RAPGEF2: variants seen among roughly 807,000 people sequenced by gnomAD.
The protein encoded by RAPGEF2 is PDZ domain containing guanine nucleotide exchange factor (GEF) 1.
Under a neutral mutation model 186.7 loss-of-function variants are expected in RAPGEF2, and 54 were observed. The ratio of observed to expected loss-of-function variants is 0.29; its 90% CI spans 0.23 to 0.36. The LOEUF (loss-of-function observed/expected upper bound fraction) is 0.36. Ranked by LOEUF, RAPGEF2 falls within the 10% of genes least tolerant of loss-of-function variation. The pLI is 1.00. For missense variants in RAPGEF2, 1,532 were observed against 2,045.0 expected (o/e 0.75, Z 4.84); for synonymous variants, 712 against 705.9 (o/e 1.01, Z -0.14).
chr4:159,232,401 G>A (rs114161704), intron 4 of RAPGEF2, among the ~76,000 whole-genome samples: 8,145 of 152,204 alleles, frequency 0.054, 738 homozygotes, highest in African/African-American at 0.18. Flanking sequence ...TTTGTGGCTG[G>A]TTTGTTGTCT....
At chr4:159,179,527 T>C (rs914474307) in intron 1 of RAPGEF2, among the ~76,000 whole-genome samples, 2 of 152,226 alleles carry the variant, frequency 1.3e-5, no homozygotes, top group Admixed American at 6.5e-5. Context: ...TTTTCACTAA[T>C]GGTTGCACAT....
chr4:159,325,313 T>C (rs1765774761), intron 11 of RAPGEF2, among the ~76,000 whole-genome samples: 1 of 152,170 alleles, frequency 6.6e-6, no homozygotes, highest in Non-Finnish European at 1.5e-5. Context: ...GAAAACAAAA[T>C]GGTTAATTCT....
chr4:159,302,865 A>C (rs182012062), intron 7 of RAPGEF2, among the ~76,000 whole-genome samples: 1 of 151,868 alleles, frequency 6.6e-6, no homozygotes, highest in East Asian at 1.9e-4. Context: ...TATGTATTTT[A>C]CAACATCTTC....
chr4:159,331,355 A>G, intron 13 of RAPGEF2, 76 bp from the exon 14 acceptor site: 1 of 788,844 alleles, frequency 1.3e-6, no homozygotes, highest in South Asian at 1.9e-5. Flanking sequence ...TGAAAGTTGG[A>G]TATCTTTTCT....
intron 8 of RAPGEF2, among the ~76,000 whole-genome samples, chr4:159,309,287 C>T (rs533082263): frequency 2.0e-5 from 3 of 152,092 alleles, no homozygotes; most frequent in African/African-American, 7.2e-5. Context: ...TCCTTTCCTG[C>T]CTAATCTTTT....
chr4:159,290,502 T>C (rs2110952708), intron 7 of RAPGEF2, among the ~76,000 whole-genome samples: 1 of 152,292 alleles, frequency 6.6e-6, no homozygotes, highest in East Asian at 1.9e-4. Flanking sequence ...AGAAAGTAGC[T>C]GAAGTTGAGG....
chr4:159,241,417 G>A (rs1753976140), intron 6 of RAPGEF2, 49 bp downstream of exon 6: 1 of 1,207,578 alleles, frequency 8.3e-7, no homozygotes, highest in African/African-American at 1.6e-5. Context: ...TTTTTTGTTG[G>A]GGTTTTGTGA....
intron 1 of RAPGEF2, among the ~76,000 whole-genome samples, chr4:159,111,339 G>T (rs1243040760): frequency 1.3e-5 from 2 of 152,212 alleles, no homozygotes; most frequent in African/African-American, 2.4e-5. Context: ...TCTTCCGCTG[G>T]CTGTTGTTTC....
intron 2 of RAPGEF2, among the ~76,000 whole-genome samples, chr4:159,191,066 C>G (rs1012946913): frequency 6.6e-6 from 1 of 152,084 alleles, no homozygotes; most frequent in Admixed American, 6.5e-5. Flanking sequence ...CTTTGGAAGT[C>G]ATCAGTGTAT....
Position 159,345,032 on chromosome 4 carries a change from G to T in RAPGEF2, c.3279-74G>T, listed in dbSNP as rs1730086260. On this transcript the variant is annotated intron_variant, in intron 23 of 29. Coordinates refer to ENST00000691494, the MANE Select transcript of RAPGEF2 (RefSeq NM_001394067.2). ...TTTTGAACATAGACTATTAATATCA[G>T]TCTTGGCACATTTTAAATAGATAAA... 3.2e-6 allele frequency: 4 copies of T among 1,264,090 alleles called. No homozygotes were observed. In the Admixed American group the frequency reaches 7.0e-5, roughly 22 times the overall value. 78.3% of individuals were successfully genotyped at this position (1,264,090 alleles called of 1,614,324 possible). A position where few individuals can be genotyped will look rare whatever the true frequency, so the allele number is the denominator to read the frequency against.
At chr4:159,140,908 T>C (rs1742250752) in intron 1 of RAPGEF2, among the ~76,000 whole-genome samples, 1 of 151,878 alleles carries the variant, frequency 6.6e-6, no homozygotes, top group African/African-American at 2.4e-5. Flanking sequence ...CTCAGCTCAC[T>C]GCAACCTCTG....
intron 3 of RAPGEF2, among the ~76,000 whole-genome samples, chr4:159,208,202 G>A (rs757185911): frequency 1.8e-4 from 27 of 152,182 alleles, no homozygotes; most frequent in Non-Finnish European, 3.2e-4. Flanking sequence ...AAAATGATTA[G>A]GTGATAGTGA....
intron 1 of RAPGEF2, among the ~76,000 whole-genome samples, chr4:159,132,073 T>C (rs998732140): frequency 6.6e-6 from 1 of 152,234 alleles, no homozygotes; most frequent in East Asian, 1.9e-4. Flanking sequence ...ATTAGGATAA[T>C]GTCTTAGCTT....
chr4:159,121,799 G>A (rs1739714089), intron 1 of RAPGEF2, among the ~76,000 whole-genome samples: 1 of 151,790 alleles, frequency 6.6e-6, no homozygotes, highest in African/African-American at 2.4e-5. Flanking sequence ...GGGAGGCCGA[G>A]GCGGGCGGAT....
intron 1 of RAPGEF2, among the ~76,000 whole-genome samples, chr4:159,156,323 A>G (rs1249466858): frequency 1.3e-5 from 2 of 152,314 alleles, no homozygotes; most frequent in African/African-American, 4.8e-5. Flanking sequence ...TAACTTCTGA[A>G]TATATTGTTA....
At chr4:159,281,404 C>T (rs1759685215) in intron 7 of RAPGEF2, among the ~76,000 whole-genome samples, 2 of 149,200 alleles carry the variant, frequency 1.3e-5, no homozygotes, top group African/African-American at 2.6e-5. Context: ...CATGGTGGCT[C>T]ATGCCTGTAA....
chr4:159,187,990 TTAAAG>T (rs1747722696), intron 2 of RAPGEF2, among the ~76,000 whole-genome samples: 1 of 152,186 alleles, frequency 6.6e-6, no homozygotes, highest in African/African-American at 2.4e-5. Flanking sequence ...GTCATTTAAA[TTAAAG>T]TAGATTGTAG....
chr4:159,304,260 AAT>A (rs1470149720), intron 7 of RAPGEF2, 80 bp from the exon 8 acceptor site: 2 of 1,319,366 alleles, frequency 1.5e-6, no homozygotes, highest in African/African-American at 3.0e-5. Context: ...TATAGAATAA[AAT>A]ATGATATTTT....
rs182109607 is a variant in RAPGEF2, at chr4:159,355,241, G to T, written c.4652-612G>T. On this transcript the variant is annotated intron_variant, in intron 28 of 29. Coordinates refer to ENST00000691494, the MANE Select transcript of RAPGEF2 (RefSeq NM_001394067.2). ...TCTAGGTCATGAGCATCAATAAAGG[G>T]ATTTTAAGAAAAATAGACACCTTAT... Among the ~76,000 whole-genome samples the T allele has an allele frequency of 4.2e-3, 646 of 152,230 alleles. 10 individuals are homozygous for T. Among genetic ancestry groups the T allele is most frequent in the African/African-American group, 0.013 (559 of 41,550 alleles).
Sources: gnomAD v4.1 joint callset for allele counts (sites outside exome capture counted in the v4.1 genomes callset) on GRCh38, gnomAD v4.1.1 for gene constraint, MANE v1.5 for transcripts, NCBI Gene and HGNC (gene_info 2026-07-23, HGNC 2026-07-21) for gene names.